RGPD2: variants seen among roughly 807,000 people sequenced by gnomAD.
The protein encoded by RGPD2 is RANBP2-like and GRIP domain-containing protein 2.
In RGPD2, 2 loss-of-function variants were observed where a neutral mutation model predicts 36.0. That is an observed-to-expected ratio of 0.06 (90% CI 0.02 to 0.17). The LOEUF (loss-of-function observed/expected upper bound fraction) is 0.17. Ranked by LOEUF, RGPD2 falls within the 10% of genes least tolerant of loss-of-function variation. The pLI, the probability that RGPD2 is intolerant of heterozygous loss-of-function variation, is 1.00. For synonymous variants in RGPD2, 19 were observed against 163.8 expected, an observed-to-expected ratio of 0.12 and a Z score of 6.75; for missense variants, 40 against 464.3, an observed-to-expected ratio of 0.09 and a Z score of 8.40.
At chr2:87,883,405 G>A in the RGPD2 span, among the ~76,000 whole-genome samples, 1 of 151,390 alleles carries the variant, frequency 6.6e-6, no homozygotes, top group East Asian at 1.9e-4. Flanking sequence ...TAAAAAAAAA[G>A]GCCCTAATAA....
chr2:87,872,541 G>C, the RGPD2 span, among the ~76,000 whole-genome samples: 2 of 151,212 alleles, frequency 1.3e-5, no homozygotes, highest in Non-Finnish European at 2.9e-5. Context: ...TTGAGTTCAG[G>C]GGTATATGTG....
At chr2:87,834,179 G>A in the RGPD2 span, among the ~76,000 whole-genome samples, 29 of 146,388 alleles carry the variant, frequency 2.0e-4, no homozygotes, top group Middle Eastern at 3.5e-3. Context: ...ACAGAGAAGC[G>A]GAGAAAAATC....
the RGPD2 span, among the ~76,000 whole-genome samples, chr2:87,906,739 G>T: frequency 6.6e-6 from 1 of 150,898 alleles, no homozygotes; most frequent in South Asian, 2.1e-4. Flanking sequence ...GCGGTATATT[G>T]TGCCTTGATT....
chr2:87,896,971 C>A, the RGPD2 span, among the ~76,000 whole-genome samples: 1 of 152,158 alleles, frequency 6.6e-6, no homozygotes, highest in African/African-American at 2.4e-5. Flanking sequence ...TATTTACAAA[C>A]AAATTCATAC....
chr2:87,832,460 A>G, the RGPD2 span, among the ~76,000 whole-genome samples: 4 of 151,782 alleles, frequency 2.6e-5, no homozygotes, highest in Non-Finnish European at 5.9e-5. Context: ...ATACCACACA[A>G]TCTCTAAATA....
the RGPD2 span, among the ~76,000 whole-genome samples, chr2:87,976,476 G>A: frequency 6.6e-6 from 1 of 151,690 alleles, no homozygotes; most frequent in African/African-American, 2.4e-5. Context: ...AACTACTCAA[G>A]GATTAAAGCC....
the RGPD2 span, among the ~76,000 whole-genome samples, chr2:87,881,379 A>T: frequency 1.1e-4 from 16 of 152,378 alleles, no homozygotes; most frequent in Non-Finnish European, 2.2e-4. Context: ...GCTCTGTCAG[A>T]TGTTCTCTGT....
chr2:87,894,362 C>T, the RGPD2 span, among the ~76,000 whole-genome samples: 1 of 150,800 alleles, frequency 6.6e-6, no homozygotes, highest in Non-Finnish European at 1.5e-5. Flanking sequence ...ATCTAATGGT[C>T]ACATACTAAA....
the RGPD2 span, among the ~76,000 whole-genome samples, chr2:87,866,975 C>T: frequency 3.2e-4 from 49 of 152,322 alleles, no homozygotes; most frequent in Middle Eastern, 3.4e-3. Context: ...CCACCTAAAT[C>T]GATTTTTTTT....
chr2:87,972,046 A>T, the RGPD2 span, among the ~76,000 whole-genome samples: 47 of 151,866 alleles, frequency 3.1e-4, no homozygotes, highest in Middle Eastern at 6.8e-3. Context: ...TTAGGAAGTC[A>T]AGCACGGAGG....
At chr2:87,849,510 CA>C in the RGPD2 span, among the ~76,000 whole-genome samples, 1 of 150,498 alleles carries the variant, frequency 6.6e-6, no homozygotes. Flanking sequence ...TTTATATGGA[CA>C]AGTGTATTCA....
chr2:87,972,247 C>T, the RGPD2 span, among the ~76,000 whole-genome samples: 16 of 143,744 alleles, frequency 1.1e-4, no homozygotes, highest in African/African-American at 4.1e-4. Flanking sequence ...TAAGTAACTG[C>T]TTGACGAGTA....
the RGPD2 span, among the ~76,000 whole-genome samples, chr2:87,922,218 G>C: frequency 4.7e-5 from 7 of 148,142 alleles, no homozygotes; most frequent in East Asian, 1.4e-3. Context: ...GCTTGAACCC[G>C]GGAGGCGGAG....
chr2:87,876,552 T>G, the RGPD2 span, among the ~76,000 whole-genome samples: 1 of 152,306 alleles, frequency 6.6e-6, no homozygotes, highest in African/African-American at 2.4e-5. Context: ...GTTCATTTCT[T>G]AATTTTAAGT....
At chr2:87,973,448 G>A in the RGPD2 span, among the ~76,000 whole-genome samples, 326 of 133,872 alleles carry the variant, frequency 2.4e-3, 4 homozygotes, top group African/African-American at 8.2e-3. Flanking sequence ...TTTCCCATGG[G>A]GCTGTCTTCC....
chr2:87,961,429 C>G, the RGPD2 span, among the ~76,000 whole-genome samples: 1 of 151,682 alleles, frequency 6.6e-6, no homozygotes, highest in Non-Finnish European at 1.5e-5. Context: ...CGCCGGGCGC[C>G]GTGGCTCACG....
the RGPD2 span, among the ~76,000 whole-genome samples, chr2:87,879,068 C>T: frequency 1.3e-5 from 2 of 152,188 alleles, no homozygotes; most frequent in African/African-American, 4.8e-5. Context: ...TTTGCCATAC[C>T]GATTTTATTT....
chr2:87,937,871 C>T, the RGPD2 span, among the ~76,000 whole-genome samples: 2 of 151,822 alleles, frequency 1.3e-5, no homozygotes, highest in Admixed American at 6.6e-5. Flanking sequence ...TTACATTGGA[C>T]ATTACTGTGA....
chr2:87,927,790 T>G, the RGPD2 span, among the ~76,000 whole-genome samples: 841 of 151,242 alleles, frequency 5.6e-3, 8 homozygotes, highest in African/African-American at 0.019. Flanking sequence ...CCTGAGAATT[T>G]TCACTGATTT....
Sources: gnomAD v4.1 joint callset for allele counts (sites outside exome capture counted in the v4.1 genomes callset) on GRCh38, gnomAD v4.1.1 for gene constraint, MANE v1.5 for transcripts, NCBI Gene and HGNC (gene_info 2026-07-23, HGNC 2026-07-21) for gene names.